Variants in POC1B observed in about 807,000 individuals in gnomAD.
POC1B encodes POC1 centriolar protein B.
A neutral mutation model predicts 60.6 loss-of-function variants in POC1B; 44 were observed. The ratio of observed to expected loss-of-function variants is 0.73; its 90% CI spans 0.57 to 0.93. POC1B has a LOEUF of 0.93. Among genes scored for constraint, POC1B ranks in the 40% least tolerant of loss-of-function variants. The probability of loss-of-function intolerance (pLI) is 0.00; values close to 1 mark genes in which losing one functional copy is unlikely to be tolerated. For synonymous variants in POC1B, 180 were observed against 198.9 expected (o/e 0.90, Z 0.80); for missense variants, 555 against 572.3 (o/e 0.97, Z 0.31).
chr12:89,486,903 T>TCA (rs1317968679), intron 4 of POC1B, among the ~76,000 whole-genome samples: 8 of 150,704 alleles, frequency 5.3e-5, no homozygotes, highest in Middle Eastern at 3.4e-3. Flanking sequence ...TCTCTCTCTC[T>TCA]CACACACACA....
chr12:89,432,003 AT>A (rs1346223983), intron 10 of POC1B, among the ~76,000 whole-genome samples: 1 of 152,088 alleles, frequency 6.6e-6, no homozygotes, highest in Admixed American at 6.5e-5. Context: ...ATCTTCTCTA[AT>A]TCTCATGAAT....
intron 4 of POC1B, among the ~76,000 whole-genome samples, chr12:89,489,182 TG>T (rs1868809839): frequency 6.6e-6 from 1 of 152,232 alleles, no homozygotes; most frequent in African/African-American, 2.4e-5. Flanking sequence ...AATTATATAC[TG>T]ACTACTATGT....
At chr12:89,431,418 G>A (rs1258724875) in intron 10 of POC1B, among the ~76,000 whole-genome samples, 2 of 150,272 alleles carry the variant, frequency 1.3e-5, no homozygotes, top group Non-Finnish European at 1.5e-5. Context: ...CTGATGTTCT[G>A]AGATTTTTAA....
At chr12:89,436,727 C>G (rs79463989) in intron 10 of POC1B, among the ~76,000 whole-genome samples, 1 of 151,304 alleles carries the variant, frequency 6.6e-6, no homozygotes, top group Non-Finnish European at 1.5e-5. Context: ...AAAAAAACAA[C>G]CAAAAAAAAA....
chr12:89,504,093 CA>C (rs1869772766), intron 2 of POC1B, among the ~76,000 whole-genome samples: 3 of 141,258 alleles, frequency 2.1e-5, no homozygotes, highest in African/African-American at 7.9e-5. Context: ...GCCACCACCC[CA>C]TCTGGGAGGT....
chr12:89,491,813 C>A, intron 4 of POC1B, 123 bp downstream of exon 4: 1 of 785,528 alleles, frequency 1.3e-6, no homozygotes, highest in Non-Finnish European at 1.9e-6. Flanking sequence ...AAAGCAGTCA[C>A]ACAACAAATA....
chr12:89,512,406 TAAC>T (rs1306855051), intron 2 of POC1B, among the ~76,000 whole-genome samples: 1 of 152,268 alleles, frequency 6.6e-6, no homozygotes, highest in African/African-American at 2.4e-5. Flanking sequence ...GGACTGGCAA[TAAC>T]AACAACAGAA....
At chr12:89,437,272 T>G (rs1181928083) in intron 10 of POC1B, among the ~76,000 whole-genome samples, 2 of 152,292 alleles carry the variant, frequency 1.3e-5, no homozygotes, top group East Asian at 3.9e-4. Flanking sequence ...CTCTCCTGGC[T>G]GAAAATCCTT....
chr12:89,444,495 A>C (rs1881678574), intron 10 of POC1B, among the ~76,000 whole-genome samples: 2 of 152,208 alleles, frequency 1.3e-5, no homozygotes, highest in South Asian at 4.1e-4. Flanking sequence ...ACAGAACCAA[A>C]GACAAAAACC....
chr12:89,455,357 A>G (rs75713369), intron 10 of POC1B, among the ~76,000 whole-genome samples: 3,439 of 152,294 alleles, frequency 0.023, 107 homozygotes, highest in African/African-American at 0.073. Flanking sequence ...AGAAAAAAGA[A>G]AAAAAGAACT....
At chr12:89,415,326 T>A (rs1295631080), downstream of POC1B, among the ~76,000 whole-genome samples, 1 of 151,876 alleles carries the variant, frequency 6.6e-6, no homozygotes, top group East Asian at 1.9e-4. Flanking sequence ...GGAAATGGAG[T>A]CCAGAGAAAC....
chr12:89,457,389 C>T (rs10858867), intron 10 of POC1B, among the ~76,000 whole-genome samples: 29,405 of 152,060 alleles, frequency 0.19, 3,262 homozygotes, highest in South Asian at 0.36. Context: ...GAAAGAGATA[C>T]ACATTGAAAA....
intron 10 of POC1B, among the ~76,000 whole-genome samples, chr12:89,433,460 G>A (rs1881124546): frequency 6.6e-6 from 1 of 152,170 alleles, no homozygotes; most frequent in Non-Finnish European, 1.5e-5. Context: ...CCCCTTGGGT[G>A]TAGGTGTGAA....
At chr12:89,429,136 G>C (rs1296328064) in intron 10 of POC1B, 1 of 152,080 alleles carries the variant, frequency 6.6e-6, no homozygotes. Flanking sequence ...AGCAATAAAA[G>C]AGCTCCAATA....
At position 89,491,962 on chromosome 12, in the gene POC1B, T is replaced by A; in HGVS notation, c.426A>T (p.Arg142=). 6.3e-7 allele frequency: 1 copy of A among 1,577,472 alleles called. No homozygotes were observed. ...YRQRFLYSLY[R]HTHWVRCAKF... ...TGGCACAGCGTACCCAGTGTGTATG[T>A]CGATACAAGGAATACAGGAAGCGCT... Residue 142 remains arginine, a synonymous_variant, in exon 4 of 12, where the codon CGA becomes CGT. Coordinates refer to ENST00000313546, the MANE Select transcript of POC1B (RefSeq NM_172240.3).
intron 4 of POC1B, among the ~76,000 whole-genome samples, chr12:89,489,930 C>A (rs1868863663): frequency 6.6e-6 from 1 of 152,196 alleles, no homozygotes; most frequent in African/African-American, 2.4e-5. Flanking sequence ...TGGGCACAGG[C>A]TCCAGGATAG....
At position 89,472,893 on chromosome 12, in the gene POC1B, C is replaced by T. The variant is rs115289367; in HGVS notation, c.453-618G>A. ...TTCATGGAGAAATCTATCATCCACA[C>T]GCCCCATTAAAAAGCAAATGAGAAA... On this transcript the variant is annotated intron_variant, in intron 4 of 11. Transcript: ENST00000313546. Among the ~76,000 whole-genome samples the T allele has an allele frequency of 2.9e-3, 435 of 152,220 alleles. 2 individuals carry two copies. The highest frequency in any genetic ancestry group is 0.01 in the Middle Eastern group (3 of 294).
chr12:89,501,740 T>C (rs1869577557), intron 2 of POC1B: 4 of 925,088 alleles, frequency 4.3e-6, no homozygotes, highest in African/African-American at 3.2e-5. Context: ...AATTCTTCAA[T>C]AAGAAATGAA....
chr12:89,486,714 C>T (rs968800011), intron 4 of POC1B, among the ~76,000 whole-genome samples: 2 of 152,082 alleles, frequency 1.3e-5, no homozygotes, highest in African/African-American at 4.8e-5. Flanking sequence ...TGCACAAAGG[C>T]CAATGGTGCT....
Sources: allele counts gnomAD v4.1 joint callset (sites outside exome capture counted in the v4.1 genomes callset), GRCh38; gene constraint gnomAD v4.1.1; transcripts MANE v1.5; gene names NCBI Gene and HGNC (gene_info 2026-07-23, HGNC 2026-07-21).